Variants in LRRC4C observed in about 807,000 individuals in gnomAD.
The protein encoded by LRRC4C is leucine rich repeat containing 4C.
In LRRC4C, 5 loss-of-function variants were observed where a neutral mutation model predicts 33.6. The observed-to-expected ratio is 0.15, with a 90% confidence interval of 0.08 to 0.31. The LOEUF (loss-of-function observed/expected upper bound fraction) is 0.31, where lower values mean the gene tolerates loss of function less well. LRRC4C is among the 10% of genes least tolerant of loss of function. The pLI is 1.00. For synonymous variants in LRRC4C, 329 were observed against 302.0 expected (o/e 1.09, Z -0.93); for missense variants, 560 against 796.7 (o/e 0.70, Z 3.58).
chr11:40,340,568 C>T (rs1946822887), intron 3 of LRRC4C, among the ~76,000 whole-genome samples: 1 of 151,950 alleles, frequency 6.6e-6, no homozygotes, highest in Non-Finnish European at 1.5e-5. Context: ...TAATAATAAC[C>T]TTTATCAATG....
At chr11:40,667,943 A>G (rs1173190645) in intron 2 of LRRC4C, among the ~76,000 whole-genome samples, 1 of 152,212 alleles carries the variant, frequency 6.6e-6, no homozygotes, top group Non-Finnish European at 1.5e-5. Context: ...TGTTCTGCAT[A>G]GGTAACTAAA....
chr11:41,110,472 A>C (rs1489687277), intron 1 of LRRC4C, among the ~76,000 whole-genome samples: 1 of 152,090 alleles, frequency 6.6e-6, no homozygotes, highest in Non-Finnish European at 1.5e-5. Flanking sequence ...AACATCACTG[A>C]GATAATAAAT....
At chr11:40,955,111 G>C (rs1356831583) in intron 1 of LRRC4C, among the ~76,000 whole-genome samples, 2 of 151,842 alleles carry the variant, frequency 1.3e-5, no homozygotes, top group Admixed American at 1.3e-4. Context: ...AGTTATATCA[G>C]AAGTTATGTT....
chr11:40,830,108 G>A (rs7948927), intron 2 of LRRC4C, among the ~76,000 whole-genome samples: 1,822 of 151,988 alleles, frequency 0.012, 17 homozygotes, highest in South Asian at 0.04. Context: ...AAACAAGCAC[G>A]GGCTATTAAG....
At chr11:40,384,601 T>C (rs1763245769) in intron 3 of LRRC4C, among the ~76,000 whole-genome samples, 2 of 152,190 alleles carry the variant, frequency 1.3e-5, no homozygotes. Context: ...CTGACAAGAA[T>C]ACCAGGAGTC....
intron 1 of LRRC4C, among the ~76,000 whole-genome samples, chr11:41,382,101 A>G (rs1953178473): frequency 1.3e-5 from 2 of 152,162 alleles, no homozygotes; most frequent in Admixed American, 6.6e-5. Flanking sequence ...ACAATTTTTC[A>G]TAACTAATGA....
At chr11:40,659,818 C>T (rs1010168708) in intron 2 of LRRC4C, among the ~76,000 whole-genome samples, 2 of 152,160 alleles carry the variant, frequency 1.3e-5, no homozygotes, top group African/African-American at 2.4e-5. Context: ...TTCTGTCACT[C>T]GAGAAAACTC....
intron 1 of LRRC4C, among the ~76,000 whole-genome samples, chr11:41,182,087 T>C (rs1217493775): frequency 6.6e-6 from 1 of 152,144 alleles, no homozygotes; most frequent in Non-Finnish European, 1.5e-5. Flanking sequence ...TTCTAGGATA[T>C]TATAACTATT....
At chr11:40,537,862 G>A (rs1956540781) in intron 3 of LRRC4C, among the ~76,000 whole-genome samples, 1 of 152,132 alleles carries the variant, frequency 6.6e-6, no homozygotes, top group South Asian at 2.1e-4. Context: ...AGATTGGAAA[G>A]CTAGTAAATT....
intron 3 of LRRC4C, among the ~76,000 whole-genome samples, chr11:40,570,410 C>T (rs1378120901): frequency 6.6e-6 from 1 of 152,104 alleles, no homozygotes; most frequent in Non-Finnish European, 1.5e-5. Context: ...TGCTGGGCAA[C>T]CCAAAGACTG....
rs559746527 is a variant in LRRC4C, at chr11:41,180,901, A to G, written c.-495-247178T>C. Among the ~76,000 whole-genome samples, 11 of 151,962 alleles carry G rather than the reference A, an allele frequency of 7.2e-5. 1 individual carries two copies. In the South Asian group the frequency reaches 2.3e-3, roughly 32 times the overall value. On this transcript the variant is annotated intron_variant, in intron 1 of 6. Transcript: ENST00000528697. ...AATCAACTTCCTGCTTGATACACTAAGAAGTGATTAAAAAAAAAATGGTTA... is the reference window on the plus strand; with the variant it reads ...AATCAACTTCCTGCTTGATACACTAGGAAGTGATTAAAAAAAAAATGGTTA...
At chr11:40,138,556 T>G (rs1415140550) in intron 6 of LRRC4C, among the ~76,000 whole-genome samples, 1 of 152,228 alleles carries the variant, frequency 6.6e-6, no homozygotes, top group African/African-American at 2.4e-5. Flanking sequence ...AGCATTTAAG[T>G]ACCATGTTTA....
intron 3 of LRRC4C, among the ~76,000 whole-genome samples, chr11:40,325,128 C>T (rs1040210351): frequency 2.0e-5 from 3 of 152,024 alleles, no homozygotes; most frequent in Non-Finnish European, 4.4e-5. Context: ...TGGGCTTAAA[C>T]CTGAAGAATG....
At chr11:41,149,510 C>CAA (rs57914595) in intron 1 of LRRC4C, among the ~76,000 whole-genome samples, 910 of 54,518 alleles carry the variant, frequency 0.017, 13 homozygotes, top group African/African-American at 0.044. Context: ...ACTCCGTCTC[C>CAA]AAAAAAAAAA....
intron 3 of LRRC4C, among the ~76,000 whole-genome samples, chr11:40,478,714 C>A (rs79044967): frequency 0.014 from 2,158 of 152,146 alleles, 51 homozygotes; most frequent in African/African-American, 0.049. Flanking sequence ...AAAACCTATT[C>A]AAAATATTAA....
At chr11:41,361,186 C>G (rs186708881) in intron 1 of LRRC4C, among the ~76,000 whole-genome samples, 2 of 152,170 alleles carry the variant, frequency 1.3e-5, no homozygotes, top group Admixed American at 6.5e-5. Flanking sequence ...GTCACAAGAG[C>G]ATAATGTTTC....
intron 1 of LRRC4C, among the ~76,000 whole-genome samples, chr11:41,370,059 T>G (rs568269147): frequency 6.6e-6 from 1 of 152,318 alleles, no homozygotes; most frequent in African/African-American, 2.4e-5. Context: ...GGAAAAGCAT[T>G]TCCTTAGATA....
intron 3 of LRRC4C, among the ~76,000 whole-genome samples, chr11:40,569,997 C>T (rs144967047): frequency 6.6e-6 from 1 of 150,942 alleles, no homozygotes; most frequent in African/African-American, 2.4e-5. Context: ...GTATAAAATG[C>T]AAAAATAATA....
chr11:40,398,968 G>T (rs141697703), intron 3 of LRRC4C, among the ~76,000 whole-genome samples: 1 of 152,026 alleles, frequency 6.6e-6, no homozygotes, highest in East Asian at 1.9e-4. Flanking sequence ...TACTCTTTTA[G>T]ATAACCCTCT....
Sources: allele counts gnomAD v4.1 joint callset (sites outside exome capture counted in the v4.1 genomes callset), GRCh38; gene constraint gnomAD v4.1.1; transcripts MANE v1.5; gene names NCBI Gene and HGNC (gene_info 2026-07-23, HGNC 2026-07-21).